KLHDC2: variants seen among roughly 807,000 people sequenced by gnomAD.
KLHDC2 encodes kelch domain-containing protein 2.
KLHDC2 carries 38 observed loss-of-function variants against 62.3 expected under a neutral mutation model. That is an observed-to-expected ratio of 0.61 (90% CI 0.47 to 0.80). The LOEUF (loss-of-function observed/expected upper bound fraction) is 0.80, where lower values mean the gene tolerates loss of function less well. Ranked by LOEUF, KLHDC2 falls within the 30% of genes least tolerant of loss-of-function variation. The probability of loss-of-function intolerance (pLI) is 0.00; values close to 1 mark genes in which losing one functional copy is unlikely to be tolerated. For synonymous variants in KLHDC2, 159 were observed against 161.0 expected, an observed-to-expected ratio of 0.99 and a Z score of 0.09; for missense variants, 430 against 495.3, an observed-to-expected ratio of 0.87 and a Z score of 1.25.
chr14:49,777,161 A>G (rs1315493581), intron 3 of KLHDC2, among the ~76,000 whole-genome samples: 2 of 152,098 alleles, frequency 1.3e-5, no homozygotes, highest in Admixed American at 6.6e-5. Flanking sequence ...AAAACCAAAC[A>G]CCATATGTTC....
At chr14:49,774,436 GC>G (rs1359187165) in intron 2 of KLHDC2, 124 bp from the exon 3 acceptor site, 5 of 695,718 alleles carry the variant, frequency 7.2e-6, no homozygotes, top group African/African-American at 1.8e-5. Flanking sequence ...GATCCTAGCG[GC>G]ACTGTCTACT....
intron 2 of KLHDC2, among the ~76,000 whole-genome samples, chr14:49,772,772 C>A (rs1056456756): frequency 6.6e-6 from 1 of 151,970 alleles, no homozygotes; most frequent in Admixed American, 6.6e-5. Flanking sequence ...GCCTGGCCAA[C>A]ATGGTGAAAC....
At chr14:49,776,917 C>T (rs902492737) in intron 3 of KLHDC2, among the ~76,000 whole-genome samples, 1 of 93,978 alleles carries the variant, frequency 1.1e-5, no homozygotes, top group African/African-American at 3.6e-5. Context: ...ATTCTGTCCC[C>T]ACCAAAAAAA....
intron 10 of KLHDC2, among the ~76,000 whole-genome samples, chr14:49,781,873 ATG>A (rs1430516276): frequency 2.6e-5 from 4 of 152,334 alleles, no homozygotes; most frequent in Non-Finnish European, 5.9e-5. Context: ...GTCAAAATTC[ATG>A]TTCAAAGCCT....
rs1003342561 is a variant in KLHDC2, at chr14:49,783,096, C to T, written c.*143C>T. On this transcript the variant is annotated 3_prime_UTR_variant, in exon 13 of 13. Transcript: ENST00000298307. ...TGTGCATGTGAATGGCCTAGAGAAC[C>T]TATTTTTGTGTCTAAAGTTTACAAT... is the stretch of plus-strand genomic sequence containing the variant. 4 of 690,376 alleles carry T rather than the reference C, an allele frequency of 5.8e-6. No individual in the cohort carries two copies. The highest frequency in any genetic ancestry group is 6.7e-6 in the Non-Finnish European group (3 of 447,386). The allele number at this position is 690,376 out of a possible 1,614,324, so 42.8% of individuals were successfully genotyped here.
intron 3 of KLHDC2, among the ~76,000 whole-genome samples, chr14:49,775,075 A>T (rs1223362891): frequency 6.6e-6 from 1 of 152,224 alleles, no homozygotes; most frequent in African/African-American, 2.4e-5. Context: ...ATTAAAACTG[A>T]CAAAACTTTA....
intron 3 of KLHDC2, among the ~76,000 whole-genome samples, chr14:49,776,045 A>G (rs561747111): frequency 2.0e-5 from 3 of 152,334 alleles, no homozygotes; most frequent in East Asian, 3.9e-4. Context: ...TGGGAGGAGC[A>G]TATGGTGTTA....
At chr14:49,780,040 A>T in intron 8 of KLHDC2, 173 bp from the exon 9 acceptor site, 1 of 623,394 alleles carries the variant, frequency 1.6e-6, no homozygotes. Flanking sequence ...TCTGAAGTTG[A>T]TTCTAACGTC....
At position 49,777,949 on chromosome 14, in the gene KLHDC2, A is replaced by G. The variant is rs1180598481; in HGVS notation, c.462A>G (p.Lys154=). 9.4e-6 allele frequency: 15 copies of G among 1,588,558 alleles called. No homozygotes were observed. The highest frequency in any genetic ancestry group is 1.2e-5 in the Non-Finnish European group (14 of 1,160,588). Residue 154 remains lysine (K), a synonymous_variant, in exon 4 of 13, where the codon AAA becomes AAG. Coordinates refer to ENST00000298307, the MANE Select transcript of KLHDC2 (RefSeq NM_014315.3). ...ACAAACTTGGTGTCTGGGTATATAAAAACAAGTAAGTTGGCAGCACTACAG... is the reference window on the plus strand; with the variant it reads ...ACAAACTTGGTGTCTGGGTATATAAGAACAAGTAAGTTGGCAGCACTACAG... The part of the protein sequence containing the change: ...SKDKLGVWVY[K]NKLIFFGGYG...
chr14:49,779,903 T>A, intron 8 of KLHDC2, 97 bp downstream of exon 8: 1 of 840,840 alleles, frequency 1.2e-6, no homozygotes, highest in Non-Finnish European at 1.9e-6. Context: ...AACTTTTCTT[T>A]AACTATGAAA....
intron 6 of KLHDC2, among the ~76,000 whole-genome samples, chr14:49,779,044 T>C (rs986004198): frequency 6.6e-6 from 1 of 152,162 alleles, no homozygotes; most frequent in Admixed American, 6.5e-5. Context: ...CTTTACGTGG[T>C]AGAAGTGTTT....
intron 1 of KLHDC2, 159 bp downstream of exon 1, chr14:49,768,780 C>A (rs1446619697): frequency 3.2e-6 from 2 of 629,136 alleles, no homozygotes; most frequent in Admixed American, 3.9e-5. Context: ...TTTTTTTGCG[C>A]GCGGGAATCT....
At chr14:49,782,212 C>T (rs1889937433) in intron 10 of KLHDC2, 158 bp from the exon 11 acceptor site, 1 of 547,128 alleles carries the variant, frequency 1.8e-6, no homozygotes, top group South Asian at 2.7e-5. Context: ...GATTGATCTG[C>T]TTTTGCTACT....
chr14:49,778,561 G>GGGT, intron 6 of KLHDC2, 67 bp downstream of exon 6: 1 of 297,528 alleles, frequency 3.4e-6, no homozygotes. Context: ...TGGGGTAGGG[G>GGGT]AGAGGGGTGC....
At chr14:49,777,610 T>C (rs1889799757) in intron 3 of KLHDC2, among the ~76,000 whole-genome samples, 1 of 151,080 alleles carries the variant, frequency 6.6e-6, no homozygotes, top group Non-Finnish European at 1.5e-5. Flanking sequence ...AGTGTGACTA[T>C]GAAAAAAAAA....
intron 2 of KLHDC2, among the ~76,000 whole-genome samples, chr14:49,773,188 T>G (rs1037270110): frequency 6.7e-6 from 1 of 148,546 alleles, no homozygotes; most frequent in African/African-American, 2.5e-5. Flanking sequence ...CCGAGGCAGG[T>G]GGATCATGAG....
intron 9 of KLHDC2, 119 bp from the exon 10 acceptor site, chr14:49,780,584 A>G (rs1268981350): frequency 3.8e-6 from 3 of 783,734 alleles, no homozygotes; most frequent in African/African-American, 3.4e-5. Context: ...GGGGAAAAAA[A>G]AGAAAATATA....
In KLHDC2 at chr14:49,785,713, C is replaced by T; in HGVS notation, c.*2760C>T. 5.4e-6 allele frequency: 1 copy of T among 184,550 alleles called. No homozygotes were observed. The highest frequency in any genetic ancestry group is 1.2e-5 in the Non-Finnish European group (1 of 86,940). The allele number at this position is 184,550 out of a possible 1,614,324, so 11.4% of individuals were successfully genotyped here. The stretch of plus-strand genomic sequence containing the variant: ...GACCAGCCTAAGCAACATGGAGAAA[C>T]ACCATCTCTACAAAAAATATAAAAG... On this transcript the variant is annotated 3_prime_UTR_variant, in exon 13 of 13. Transcript: ENST00000298307.
rs113808529 is a variant in KLHDC2 at position 49,782,353 on chromosome 14, T to TTTTG, written c.957-13_957-10dup. 417 of 1,589,940 alleles carry TTTTG rather than the reference T, an allele frequency of 2.6e-4. No individual in the cohort carries two copies. In the African/African-American group the frequency reaches 4.6e-3, roughly 18 times the overall value. On this transcript the variant is annotated splice_polypyrimidine_tract_variant and intron_variant, in intron 10 of 12. Transcript: ENST00000298307. Reference sequence around the variant, plus strand: ...GTGTTCTGGGTGGCTTCAAACTCGTTTTTGTTTTAAATGCAGGTTATGGCA... The same window carrying TTTTG: ...GTGTTCTGGGTGGCTTCAAACTCGTTTTTGTTTGTTTTAAATGCAGGTTATGGCA...
Sources: allele counts gnomAD v4.1 joint callset (sites outside exome capture counted in the v4.1 genomes callset), GRCh38; gene constraint gnomAD v4.1.1; transcripts MANE v1.5; gene names NCBI Gene and HGNC (gene_info 2026-07-23, HGNC 2026-07-21).